The following MAPK8 variants were observed in gnomAD, a reference collection of about 807,000 sequenced individuals.
The protein encoded by MAPK8 is mitogen-activated protein kinase 8.
A neutral mutation model predicts 52.9 loss-of-function variants in MAPK8; 13 were observed. That is an observed-to-expected ratio of 0.25 (90% CI 0.16 to 0.39). The LOEUF is 0.39. MAPK8 is among the 10% of genes least tolerant of loss of function. The probability of loss-of-function intolerance (pLI) is 1.00; values close to 1 mark genes in which losing one functional copy is unlikely to be tolerated. For missense variants in MAPK8, 300 were observed against 519.2 expected, an observed-to-expected ratio of 0.58 and a Z score of 4.10; for synonymous variants, 191 against 169.8, an observed-to-expected ratio of 1.12 and a Z score of -0.97.
At chr10:48,317,121 G>C (rs1215837697) in intron 1 of MAPK8, among the ~76,000 whole-genome samples, 1 of 152,136 alleles carries the variant, frequency 6.6e-6, no homozygotes. Flanking sequence ...TTGTTGGGTG[G>C]TTTTATTAAA....
At chr10:48,403,734 GTTTTTTGT>G (rs1256497998) in intron 2 of MAPK8, among the ~76,000 whole-genome samples, 10 of 150,360 alleles carry the variant, frequency 6.7e-5, no homozygotes, top group African/African-American at 2.5e-4. Context: ...TTTGTTTTTT[GTTTTTTGT>G]TTTTTTGTTT....
chr10:48,324,503 G>GTTTTTTTTTTTTTGTTTTTTTTTT (rs529248037), intron 1 of MAPK8, among the ~76,000 whole-genome samples: 2 of 118,020 alleles, frequency 1.7e-5, no homozygotes, highest in African/African-American at 7.1e-5. Context: ...CTGTTTTCTA[G>GTTTTTTTTTTTTTGTTTTTTTTTT]TTTTTTTTTT....
Position 48,382,898 on chromosome 10 carries a change from A to G in MAPK8, c.-49-18714A>G, listed in dbSNP as rs146988093. Among the ~76,000 whole-genome samples the G allele has an allele frequency of 7.3e-3, 1,035 of 142,190 alleles. 11 individuals are homozygous for G. The highest frequency in any genetic ancestry group is 0.025 in the African/African-American group (992 of 39,168). The allele number at this position is 142,190 out of a possible 152,430, so 93.3% of individuals were successfully genotyped here. ...TCAGGCTAGCTATGTGTATATATATAGCTATGTGTATATATATATATGTAT... is the reference window on the plus strand; with the variant it reads ...TCAGGCTAGCTATGTGTATATATATGGCTATGTGTATATATATATATGTAT... On this transcript the variant is annotated intron_variant, in intron 1 of 11. Transcript: ENST00000374189.
chr10:48,314,863 T>C (rs1005610582), intron 1 of MAPK8, among the ~76,000 whole-genome samples: 1 of 152,264 alleles, frequency 6.6e-6, no homozygotes, highest in South Asian at 2.1e-4. Context: ...TTTTCCATTC[T>C]ATGGTAGGCT....
At chr10:48,390,179 A>G (rs963374776) in intron 1 of MAPK8, among the ~76,000 whole-genome samples, 1 of 152,180 alleles carries the variant, frequency 6.6e-6, no homozygotes, top group Non-Finnish European at 1.5e-5. Flanking sequence ...CCACTTATTC[A>G]TACTTTTTGT....
In MAPK8 at chr10:48,407,166, T is replaced by C. The variant is rs914338739; in HGVS notation, c.252+2185T>C. Among the ~76,000 whole-genome samples, 9 of 152,334 alleles carry C rather than the reference T, an allele frequency of 5.9e-5. No individual in the cohort carries two copies. In the East Asian group the frequency reaches 1.3e-3, roughly 23 times the overall value. On this transcript the variant is annotated intron_variant, in intron 3 of 11. Transcript: ENST00000374189. ...TTGTTCTGACTTTTCACTTGTGGGC[T>C]TCACTTCCCAGTTTTGCTCAGGATA...
At chr10:48,410,551 T>C (rs1449226761) in intron 5 of MAPK8, among the ~76,000 whole-genome samples, 1 of 152,222 alleles carries the variant, frequency 6.6e-6, no homozygotes, top group Non-Finnish European at 1.5e-5. Context: ...TCGATGGACA[T>C]TTGGGTTATT....
intron 1 of MAPK8, among the ~76,000 whole-genome samples, chr10:48,384,620 A>AGG (rs1165689034): frequency 4.6e-5 from 7 of 152,364 alleles, no homozygotes; most frequent in Non-Finnish European, 7.3e-5. Context: ...GGTTACCCCT[A>AGG]GGTTAAAGAC....
intron 1 of MAPK8, among the ~76,000 whole-genome samples, chr10:48,374,552 G>T (rs1420055324): frequency 1.3e-5 from 2 of 151,836 alleles, no homozygotes; most frequent in East Asian, 3.9e-4. Flanking sequence ...ATGATAAAGG[G>T]GATATCACCA....
At chr10:48,415,307 A>G (rs1388249468) in intron 5 of MAPK8, among the ~76,000 whole-genome samples, 2 of 152,068 alleles carry the variant, frequency 1.3e-5, no homozygotes, top group Non-Finnish European at 2.9e-5. Flanking sequence ...AGTTCATTTG[A>G]TTTTAGTAAA....
chr10:48,366,191 A>G (rs1219427452), intron 1 of MAPK8, among the ~76,000 whole-genome samples: 1 of 151,890 alleles, frequency 6.6e-6, no homozygotes, highest in African/African-American at 2.4e-5. Flanking sequence ...TTTTTTTCCT[A>G]TGGGAAAAAA....
intron 11 of MAPK8, among the ~76,000 whole-genome samples, chr10:48,434,111 T>C (rs2044620196): frequency 6.6e-6 from 1 of 152,222 alleles, no homozygotes; most frequent in African/African-American, 2.4e-5. Context: ...CAGGTATTCC[T>C]GTTAACTTTT....
intron 1 of MAPK8, among the ~76,000 whole-genome samples, chr10:48,381,728 T>C (rs998763013): frequency 1.3e-5 from 2 of 152,226 alleles, no homozygotes; most frequent in African/African-American, 2.4e-5. Flanking sequence ...CTAAAACATA[T>C]CTAATAATTA....
chr10:48,376,398 TAA>T (rs1247551658), intron 1 of MAPK8, among the ~76,000 whole-genome samples: 1 of 152,180 alleles, frequency 6.6e-6, no homozygotes, highest in Non-Finnish European at 1.5e-5. Flanking sequence ...GGTATCTGAT[TAA>T]AGAGTTTCTG....
Position 48,313,544 on chromosome 10 carries a change from C to T in MAPK8, c.-50+6723C>T, listed in dbSNP as rs952354689. Among the ~76,000 whole-genome samples, 5 of 152,292 alleles carry T rather than the reference C, an allele frequency of 3.3e-5. No homozygotes were observed. In the East Asian group the frequency reaches 5.8e-4, roughly 18 times the overall value. ...ATAAAGATTATAAAATCTTATGCTA[C>T]GTCTCGTCAGGTTTTACCACCAAAT... is the stretch of plus-strand genomic sequence containing the variant. On this transcript the variant is annotated intron_variant, in intron 1 of 11. Coordinates refer to ENST00000374189, the MANE Select transcript of MAPK8 (RefSeq NM_001323329.2).
intron 5 of MAPK8, 97 bp from the exon 6 acceptor site, chr10:48,420,058 A>T: frequency 1.1e-6 from 1 of 886,678 alleles, no homozygotes; most frequent in South Asian, 1.9e-5. Context: ...CGAACAATTA[A>T]CATGAATGTT....
intron 7 of MAPK8, chr10:48,425,455 G>A (rs2043621495): frequency 4.8e-6 from 2 of 418,256 alleles, no homozygotes; most frequent in Non-Finnish European, 8.4e-6. Context: ...AGAAAACTCA[G>A]TAAAACAGGA....
chr10:48,401,920 C>G, intron 2 of MAPK8, 138 bp downstream of exon 2: 1 of 618,762 alleles, frequency 1.6e-6, no homozygotes, highest in Non-Finnish European at 2.5e-6. Context: ...GAAAACTATT[C>G]CACAGTAAAT....
At position 48,431,277 on chromosome 10, in the gene MAPK8, T is replaced by C. The variant is rs2044223853; in HGVS notation, c.1138+7T>C. 6.2e-7 allele frequency: 1 copy of C among 1,601,218 alleles called. No homozygotes were observed. Among genetic ancestry groups the C allele is most frequent in the Non-Finnish European group, 8.6e-7 (1 of 1,169,186 alleles). ...GGGCAGCCCTCTCCTTTAGGTTGGT[T>C]ACAATATAAGCTTGGTTAAGATTAC... On this transcript the variant is annotated splice_region_variant and intron_variant, in intron 11 of 11. Transcript: ENST00000374189.
Sources: gnomAD v4.1 joint callset for allele counts (sites outside exome capture counted in the v4.1 genomes callset) on GRCh38, gnomAD v4.1.1 for gene constraint, MANE v1.5 for transcripts, NCBI Gene and HGNC (gene_info 2026-07-23, HGNC 2026-07-21) for gene names.